The following ZNF385B variants were observed in gnomAD, a reference collection of about 807,000 sequenced individuals.
ZNF385B encodes zinc finger protein 385B.
A neutral mutation model predicts 39.2 loss-of-function variants in ZNF385B; 23 were observed. That is an observed-to-expected ratio of 0.59 (90% CI 0.42 to 0.83). ZNF385B has a LOEUF of 0.83. Among genes scored for constraint, ZNF385B ranks in the 40% least tolerant of loss-of-function variants. The pLI is 0.00. For synonymous variants in ZNF385B, 205 were observed against 222.6 expected, an observed-to-expected ratio of 0.92 and a Z score of 0.70; for missense variants, 552 against 598.9, an observed-to-expected ratio of 0.92 and a Z score of 0.82.
At chr2:179,740,430 T>C (rs1170296450) in intron 3 of ZNF385B, among the ~76,000 whole-genome samples, 2 of 152,198 alleles carry the variant, frequency 1.3e-5, no homozygotes, top group Non-Finnish European at 2.9e-5. Context: ...CTTTTTGTCA[T>C]TCAATTGCCA....
At chr2:179,577,198 C>T (rs1171270021) in intron 3 of ZNF385B, among the ~76,000 whole-genome samples, 1 of 152,022 alleles carries the variant, frequency 6.6e-6, no homozygotes, top group Non-Finnish European at 1.5e-5. Context: ...AATAAGCAGG[C>T]CACCCAGGCC....
chr2:179,683,579 G>C (rs1203197997), intron 3 of ZNF385B, among the ~76,000 whole-genome samples: 1 of 151,462 alleles, frequency 6.6e-6, no homozygotes, highest in Admixed American at 6.6e-5. Flanking sequence ...GGGTTCAAGT[G>C]ATTCTCCTGC....
At chr2:179,697,373 T>C (rs1202519250) in intron 3 of ZNF385B, among the ~76,000 whole-genome samples, 1 of 152,150 alleles carries the variant, frequency 6.6e-6, no homozygotes, top group Non-Finnish European at 1.5e-5. Flanking sequence ...TCTGATGGTT[T>C]TATAAATGGT....
At position 179,651,579 on chromosome 2, in the gene ZNF385B, G is replaced by C. The variant is rs911180097; in HGVS notation, c.299-106610C>G. 7.9e-5 allele frequency among the ~76,000 whole-genome samples: 12 copies of C among 151,598 alleles called. No individual in the cohort carries two copies. The South Asian group carries it at 2.3e-3, about 29-fold the overall frequency. The stretch of plus-strand genomic sequence containing the variant: ...TGTTTCCCAGTTACTTGAATAGACT[G>C]TACATTCTACAGTATATAAACACTC... On this transcript the variant is annotated intron_variant, in intron 3 of 9. Coordinates refer to ENST00000410066, the MANE Select transcript of ZNF385B (RefSeq NM_152520.6).
intron 3 of ZNF385B, among the ~76,000 whole-genome samples, chr2:179,762,644 T>C (rs1167563754): frequency 6.6e-6 from 1 of 152,200 alleles, no homozygotes; most frequent in Non-Finnish European, 1.5e-5. Flanking sequence ...GAGATACTAT[T>C]CTGTAGGGTT....
chr2:179,527,630 T>C (rs2058993444), intron 4 of ZNF385B, among the ~76,000 whole-genome samples: 1 of 152,144 alleles, frequency 6.6e-6, no homozygotes, highest in Admixed American at 6.5e-5. Flanking sequence ...AGTGCAACTC[T>C]TTCAGAGGTA....
chr2:179,610,567 G>GAT (rs1689205706), intron 3 of ZNF385B, among the ~76,000 whole-genome samples: 1 of 152,036 alleles, frequency 6.6e-6, no homozygotes, highest in South Asian at 2.1e-4. Flanking sequence ...TAAATTTTAG[G>GAT]ATAGTTTTTC....
At chr2:179,450,732 C>T (rs1412143124) in intron 6 of ZNF385B, among the ~76,000 whole-genome samples, 3 of 152,088 alleles carry the variant, frequency 2.0e-5, no homozygotes, top group Non-Finnish European at 4.4e-5. Context: ...CCATTTGACC[C>T]AGCCATCCTA....
At chr2:179,525,076 T>C (rs2058804128) in intron 4 of ZNF385B, among the ~76,000 whole-genome samples, 1 of 152,142 alleles carries the variant, frequency 6.6e-6, no homozygotes, top group Non-Finnish European at 1.5e-5. Context: ...GGTTCAATAA[T>C]GAATCACCCT....
At chr2:179,674,696 C>T (rs76077376) in intron 3 of ZNF385B, among the ~76,000 whole-genome samples, 5,158 of 152,242 alleles carry the variant, frequency 0.034, 290 homozygotes, top group African/African-American at 0.12. Context: ...TTCTTCTTTT[C>T]CTTATGTTAC....
intron 1 of ZNF385B, among the ~76,000 whole-genome samples, chr2:179,798,920 CTT>C (rs1346167459): frequency 6.6e-6 from 1 of 152,012 alleles, no homozygotes; most frequent in Non-Finnish European, 1.5e-5. Context: ...GGAATTCTAA[CTT>C]AGCTACTTGC....
At chr2:179,479,770 T>C (rs1241833087) in intron 6 of ZNF385B, among the ~76,000 whole-genome samples, 1 of 151,816 alleles carries the variant, frequency 6.6e-6, no homozygotes, top group Admixed American at 6.6e-5. Flanking sequence ...ATGTGGGAGG[T>C]AGAGTTTGCA....
chr2:179,644,746 A>G (rs973915172), intron 3 of ZNF385B, among the ~76,000 whole-genome samples: 2 of 152,172 alleles, frequency 1.3e-5, no homozygotes, highest in African/African-American at 4.8e-5. Flanking sequence ...TGATCAAATA[A>G]ACATGCTCAT....
intron 1 of ZNF385B, among the ~76,000 whole-genome samples, chr2:179,833,624 A>G (rs924757203): frequency 2.0e-5 from 3 of 152,188 alleles, no homozygotes; most frequent in Non-Finnish European, 2.9e-5. Context: ...AAAGCTAAAA[A>G]TGACTAATTT....
intron 3 of ZNF385B, among the ~76,000 whole-genome samples, chr2:179,732,523 A>G (rs1209459958): frequency 6.6e-6 from 1 of 152,236 alleles, no homozygotes; most frequent in Non-Finnish European, 1.5e-5. Flanking sequence ...ATCAATAGTC[A>G]GCTGATCATA....
intron 3 of ZNF385B, chr2:179,584,065 C>T (rs1482824651): frequency 1.6e-6 from 1 of 634,270 alleles, no homozygotes; most frequent in African/African-American, 1.9e-5. Context: ...AGCTTATAGT[C>T]TACTGGGAGA....
intron 1 of ZNF385B, among the ~76,000 whole-genome samples, chr2:179,787,224 TTTAAG>T (rs1205102135): frequency 1.3e-5 from 2 of 152,048 alleles, no homozygotes; most frequent in Non-Finnish European, 2.9e-5. Flanking sequence ...TATGGATGTA[TTTAAG>T]TTTTTATTTT....
chr2:179,442,790 T>G lies in ZNF385B; in HGVS notation c.*460A>C. On this transcript the variant is annotated 3_prime_UTR_variant, in exon 10 of 10. Transcript: ENST00000410066. ...ACAAGTAAGCACTTGTGTTCACTGT[T>G]TTTTGTTCCACACTAGAATACACCC... is the stretch of plus-strand genomic sequence containing the variant. 1.3e-5 allele frequency: 3 copies of G among 232,592 alleles called. No homozygotes were observed. 14.4% of individuals were successfully genotyped at this position (232,592 alleles called of 1,614,324 possible). A position where few individuals can be genotyped will look rare whatever the true frequency, so the allele number is the denominator to read the frequency against.
At chr2:179,476,294 A>G (rs944583428) in intron 6 of ZNF385B, among the ~76,000 whole-genome samples, 2 of 152,226 alleles carry the variant, frequency 1.3e-5, no homozygotes, top group Non-Finnish European at 2.9e-5. Flanking sequence ...TTATATTCCA[A>G]TATCTTTTTA....
Sources: allele counts gnomAD v4.1 joint callset (sites outside exome capture counted in the v4.1 genomes callset), GRCh38; gene constraint gnomAD v4.1.1; transcripts MANE v1.5; gene names NCBI Gene and HGNC (gene_info 2026-07-23, HGNC 2026-07-21).